The following STX8 variants were observed in gnomAD, a reference collection of about 807,000 sequenced individuals.
STX8 encodes the protein syntaxin 8, also known as syntaxin-8.
Under a neutral mutation model 37.5 loss-of-function variants are expected in STX8, and 23 were observed. The observed-to-expected ratio is 0.61, with a 90% CI of 0.44 to 0.87. The LOEUF (loss-of-function observed/expected upper bound fraction) is 0.87. Among genes scored for constraint, STX8 ranks in the 40% least tolerant of loss-of-function variants. The pLI, the probability that STX8 is intolerant of heterozygous loss-of-function variation, is 0.00. For synonymous variants in STX8, 115 were observed against 99.1 expected (o/e 1.16, Z -0.95); for missense variants, 313 against 284.7 (o/e 1.10, Z -0.71).
intron 7 of STX8, among the ~76,000 whole-genome samples, chr17:9,276,085 G>A (rs1391884264): frequency 8.3e-6 from 1 of 120,766 alleles, no homozygotes; most frequent in Admixed American, 9.4e-5. Flanking sequence ...CAAGGTGGCT[G>A]CGGTTTCTAT....
In STX8 at chr17:9,565,660, C is replaced by T. The variant is rs151236612; in HGVS notation, c.117+2711G>A. Among the ~76,000 whole-genome samples, 356 of 149,688 alleles carry T rather than the reference C, an allele frequency of 2.4e-3. 3 individuals carry two copies. The highest frequency in any genetic ancestry group is 8.4e-3 in the African/African-American group (341 of 40,592). ...TAGAGTACCCAGAAATAAGGCCACA[C>T]GTACAACTATCCGAGCTTTGACAAA... On this transcript the variant is annotated intron_variant, in intron 2 of 7. Transcript: ENST00000306357.
chr17:9,382,196 C>CAT (rs199564784), intron 6 of STX8, among the ~76,000 whole-genome samples: 3 of 148,720 alleles, frequency 2.0e-5, no homozygotes, highest in Non-Finnish European at 3.0e-5. Flanking sequence ...CACACACACA[C>CAT]ATATGCCCTG....
At chr17:9,314,511 C>T (rs373167387) in intron 7 of STX8, among the ~76,000 whole-genome samples, 2 of 151,876 alleles carry the variant, frequency 1.3e-5, no homozygotes. Context: ...CATTCTTCTG[C>T]CTCAGCCTCC....
chr17:9,408,070 C>T (rs927355715), intron 6 of STX8, among the ~76,000 whole-genome samples: 14 of 152,070 alleles, frequency 9.2e-5, no homozygotes, highest in African/African-American at 2.7e-4. Context: ...TGTAATGTTA[C>T]GCCAGAGGCA....
chr17:9,359,730 G>A (rs1028349181), intron 7 of STX8, among the ~76,000 whole-genome samples: 7 of 151,900 alleles, frequency 4.6e-5, no homozygotes, highest in Admixed American at 3.3e-4. Flanking sequence ...GGATGGTCTC[G>A]ATCTCCTGAG....
intron 7 of STX8, among the ~76,000 whole-genome samples, chr17:9,280,800 A>G (rs1266155049): frequency 6.6e-6 from 1 of 152,212 alleles, no homozygotes; most frequent in Non-Finnish European, 1.5e-5. Flanking sequence ...CTGCCAAATT[A>G]CTGTGAGGCA....
chr17:9,393,414 G>A (rs1427412572), intron 6 of STX8, among the ~76,000 whole-genome samples: 1 of 152,208 alleles, frequency 6.6e-6, no homozygotes, highest in Non-Finnish European at 1.5e-5. Context: ...AGGATGAACA[G>A]CAGAAATGGT....
intron 6 of STX8, among the ~76,000 whole-genome samples, chr17:9,488,286 A>C (rs1906692034): frequency 1.3e-5 from 2 of 151,330 alleles, no homozygotes; most frequent in South Asian, 4.2e-4. Flanking sequence ...AGATCGCACC[A>C]CTGCACTCCA....
rs781380502 is a variant in STX8 at position 9,410,341 on chromosome 17, C to CT, written c.542-31689dup. Among the ~76,000 whole-genome samples, 247 of 152,328 alleles carry CT rather than the reference C, an allele frequency of 1.6e-3. 4 individuals carry two copies. The highest frequency in any genetic ancestry group is 5.7e-4 in the Non-Finnish European group (39 of 68,022). On this transcript the variant is annotated intron_variant, in intron 6 of 7. Transcript: ENST00000306357. ...TAAAAATTAAATAGCAAATTTTACACTTTTTGCTAAAATTGTACGTTTCCT... is the reference window on the plus strand; with the variant it reads ...TAAAAATTAAATAGCAAATTTTACACTTTTTTGCTAAAATTGTACGTTTCCT...
At chr17:9,433,156 C>G (rs1914035828) in intron 6 of STX8, among the ~76,000 whole-genome samples, 1 of 152,216 alleles carries the variant, frequency 6.6e-6, no homozygotes, top group African/African-American at 2.4e-5. Flanking sequence ...CGTCATAATG[C>G]ACTCCTAAGA....
intron 7 of STX8, among the ~76,000 whole-genome samples, chr17:9,252,748 T>TG (rs757151207): frequency 1.3e-5 from 2 of 152,176 alleles, no homozygotes; most frequent in South Asian, 2.1e-4. Context: ...ACGCTTCTCT[T>TG]GGGGCCCCAA....
chr17:9,487,387 T>C (rs1906644922), intron 6 of STX8, among the ~76,000 whole-genome samples: 1 of 152,072 alleles, frequency 6.6e-6, no homozygotes, highest in Non-Finnish European at 1.5e-5. Context: ...CAGATCACAA[T>C]AAAAATCCAG....
At chr17:9,393,248 C>A (rs1461357276) in intron 6 of STX8, among the ~76,000 whole-genome samples, 1 of 152,154 alleles carries the variant, frequency 6.6e-6, no homozygotes, top group Admixed American at 6.5e-5. Flanking sequence ...AATTCTATAA[C>A]CAGCAAAACT....
intron 6 of STX8, among the ~76,000 whole-genome samples, chr17:9,453,244 T>C (rs1189876056): frequency 6.6e-6 from 1 of 152,180 alleles, no homozygotes; most frequent in African/African-American, 2.4e-5. Context: ...TCCAATCCAC[T>C]GTAAGCCTCC....
intron 6 of STX8, among the ~76,000 whole-genome samples, chr17:9,423,880 GATT>G (rs1033428617): frequency 6.6e-6 from 1 of 152,118 alleles, no homozygotes; most frequent in African/African-American, 2.4e-5. Context: ...GTTTTCCGCT[GATT>G]ATTACTGAGA....
intron 4 of STX8, among the ~76,000 whole-genome samples, chr17:9,527,506 T>C (rs1567598240): frequency 6.6e-6 from 1 of 152,218 alleles, no homozygotes; most frequent in African/African-American, 2.4e-5. Flanking sequence ...GTAATTCTAC[T>C]TTCTTCTTCC....
intron 6 of STX8, among the ~76,000 whole-genome samples, chr17:9,410,487 C>T (rs1447841912): frequency 1.3e-5 from 2 of 152,172 alleles, no homozygotes; most frequent in Non-Finnish European, 2.9e-5. Flanking sequence ...AACGCGGTAA[C>T]GTGCCATGCA....
At chr17:9,465,267 C>T (rs747564843) in intron 6 of STX8, among the ~76,000 whole-genome samples, 1 of 151,968 alleles carries the variant, frequency 6.6e-6, no homozygotes, top group Non-Finnish European at 1.5e-5. Flanking sequence ...AGTGTTATAG[C>T]TAAACAGAAA....
At chr17:9,475,686 A>T (rs1906072875) in intron 6 of STX8, among the ~76,000 whole-genome samples, 1 of 152,192 alleles carries the variant, frequency 6.6e-6, no homozygotes, top group East Asian at 1.9e-4. Context: ...AAAACATATA[A>T]AAGATGTCAC....
Sources: gnomAD v4.1 joint callset for allele counts (sites outside exome capture counted in the v4.1 genomes callset) on GRCh38, gnomAD v4.1.1 for gene constraint, MANE v1.5 for transcripts, NCBI Gene and HGNC (gene_info 2026-07-23, HGNC 2026-07-21) for gene names.